PLD5: variants seen among roughly 807,000 people sequenced by gnomAD.
The protein encoded by PLD5 is phospholipase D family member 5.
In PLD5, 36 loss-of-function variants were observed where a neutral mutation model predicts 61.1. The observed-to-expected ratio is 0.59, with a 90% confidence interval of 0.45 to 0.78. The LOEUF is 0.78. Ranked by LOEUF, PLD5 falls within the 30% of genes least tolerant of loss-of-function variation. The probability of loss-of-function intolerance (pLI) is 0.00; values close to 1 mark genes in which losing one functional copy is unlikely to be tolerated. For missense variants in PLD5, 515 were observed against 644.4 expected, an observed-to-expected ratio of 0.80 and a Z score of 2.17; for synonymous variants, 243 against 242.8, an observed-to-expected ratio of 1.00 and a Z score of -0.01.
intron 1 of PLD5, among the ~76,000 whole-genome samples, chr1:242,501,293 G>T (rs550197385): frequency 6.6e-6 from 1 of 152,320 alleles, no homozygotes; most frequent in East Asian, 1.9e-4. Flanking sequence ...AGTGCTTTAA[G>T]AAATCCCAGA....
At position 242,289,821 on chromosome 1, in the gene PLD5, C is replaced by G. The variant is rs185812347; in HGVS notation, c.327-1291G>C. The stretch of plus-strand genomic sequence containing the variant: ...TTTCAACAAAGAATTCAGCACTTCT[C>G]AATAAAATACTTAATTGTTACTCTT... On this transcript the variant is annotated intron_variant, in intron 2 of 9. Transcript: ENST00000536534. 6.0e-4 allele frequency among the ~76,000 whole-genome samples: 92 copies of G among 152,166 alleles called. No individual in the cohort carries two copies. The East Asian group carries it at 0.016, about 27-fold the overall frequency.
chr1:242,328,129 CTAAA>C (rs1246622527), intron 2 of PLD5, among the ~76,000 whole-genome samples: 4 of 152,068 alleles, frequency 2.6e-5, no homozygotes, highest in South Asian at 2.1e-4. Context: ...AAAGATGTAA[CTAAA>C]TAGTCAATCA....
intron 1 of PLD5, among the ~76,000 whole-genome samples, chr1:242,356,144 T>C (rs970739517): frequency 5.3e-5 from 5 of 94,358 alleles, no homozygotes; most frequent in African/African-American, 1.6e-4. Flanking sequence ...ATTGATTTTA[T>C]GTCTATCCAA....
chr1:242,248,806 TC>T lies in PLD5; in HGVS notation c.607+16530del, dbSNP rs1448061017. ...CCTACAAAATTGTGTATCTCCACAC[TC>T]CCTCTGCTACAGTTTGAAGATGTTC... is the stretch of plus-strand genomic sequence containing the variant. On this transcript the variant is annotated intron_variant, in intron 4 of 9. Coordinates refer to ENST00000536534, the MANE Select transcript of PLD5 (RefSeq NM_001372062.1). Among the ~76,000 whole-genome samples, 4 of 152,302 alleles carry T rather than the reference TC, an allele frequency of 2.6e-5. No individual in the cohort carries two copies. In the East Asian group the frequency reaches 7.7e-4, roughly 29 times the overall value.
At chr1:242,091,127 C>A (rs1659791952) in intron 9 of PLD5, among the ~76,000 whole-genome samples, 1 of 152,094 alleles carries the variant, frequency 6.6e-6, no homozygotes, top group African/African-American at 2.4e-5. Context: ...CCCCCTTTTA[C>A]AAGGACACCG....
intron 5 of PLD5, among the ~76,000 whole-genome samples, chr1:242,144,855 GTGA>G (rs1664439241): frequency 1.3e-5 from 2 of 152,124 alleles, no homozygotes; most frequent in Non-Finnish European, 2.9e-5. Flanking sequence ...GGTGGCTTGA[GTGA>G]ACAATGGACA....
intron 1 of PLD5, among the ~76,000 whole-genome samples, chr1:242,352,300 T>C (rs1660522609): frequency 6.6e-6 from 1 of 152,222 alleles, no homozygotes. Context: ...AGTGAGAACA[T>C]GTGGTAATCT....
chr1:242,438,264 AT>A (rs1237412199), intron 1 of PLD5, among the ~76,000 whole-genome samples: 1,537 of 138,704 alleles, frequency 0.011, 16 homozygotes, highest in African/African-American at 0.032. Context: ...AGAAAAAAAA[AT>A]TTTTTTTTTT....
chr1:242,476,866 A>G (rs1667612325), intron 1 of PLD5, among the ~76,000 whole-genome samples: 1 of 152,226 alleles, frequency 6.6e-6, no homozygotes, highest in Non-Finnish European at 1.5e-5. Flanking sequence ...ACAGGGAGGC[A>G]TGAAGACTTG....
chr1:242,368,222 T>C (rs1661446801), intron 1 of PLD5, among the ~76,000 whole-genome samples: 1 of 152,224 alleles, frequency 6.6e-6, no homozygotes, highest in Non-Finnish European at 1.5e-5. Flanking sequence ...AAATATTTTC[T>C]TTGCCTTGCT....
chr1:242,167,750 G>A (rs1275375263), intron 5 of PLD5, among the ~76,000 whole-genome samples: 1 of 152,210 alleles, frequency 6.6e-6, no homozygotes, highest in Admixed American at 6.5e-5. Context: ...CACACATCCA[G>A]TAAATACATC....
intron 5 of PLD5, among the ~76,000 whole-genome samples, chr1:242,158,443 A>T (rs1285984164): frequency 6.6e-6 from 1 of 152,098 alleles, no homozygotes; most frequent in Admixed American, 6.5e-5. Context: ...CTGGTGGGGT[A>T]GGCACCAGAG....
At chr1:242,512,261 A>C (rs1178894315) in intron 1 of PLD5, among the ~76,000 whole-genome samples, 1 of 151,768 alleles carries the variant, frequency 6.6e-6, no homozygotes, top group Non-Finnish European at 1.5e-5. Flanking sequence ...AATACAAAAA[A>C]AAAAAAAAAT....
chr1:242,363,960 T>C (rs1661206504), intron 1 of PLD5, among the ~76,000 whole-genome samples: 1 of 152,200 alleles, frequency 6.6e-6, no homozygotes, highest in South Asian at 2.1e-4. Context: ...CTAATATATA[T>C]GTCCTTGCAG....
chr1:242,113,357 T>C (rs1337762135), intron 7 of PLD5, among the ~76,000 whole-genome samples: 1 of 152,090 alleles, frequency 6.6e-6, no homozygotes, highest in African/African-American at 2.4e-5. Context: ...CCTCCCAAAG[T>C]GCTGGGATTA....
At chr1:242,376,314 C>A (rs1242033244) in intron 1 of PLD5, among the ~76,000 whole-genome samples, 3 of 152,146 alleles carry the variant, frequency 2.0e-5, no homozygotes, top group Non-Finnish European at 4.4e-5. Context: ...GCTTTAAACA[C>A]CCTTCGGCGT....
At chr1:242,277,873 C>T (rs1674500426) in intron 3 of PLD5, among the ~76,000 whole-genome samples, 1 of 152,154 alleles carries the variant, frequency 6.6e-6, no homozygotes, top group South Asian at 2.1e-4. Context: ...CTCTCAGCTA[C>T]TTGGCAGGCT....
chr1:242,430,531 C>A (rs1665661466), intron 1 of PLD5, among the ~76,000 whole-genome samples: 1 of 152,202 alleles, frequency 6.6e-6, no homozygotes, highest in Non-Finnish European at 1.5e-5. Flanking sequence ...GGTGGACACA[C>A]ACATTCCATC....
intron 1 of PLD5, among the ~76,000 whole-genome samples, chr1:242,464,808 T>C (rs1667224909): frequency 6.6e-6 from 1 of 152,226 alleles, no homozygotes; most frequent in Non-Finnish European, 1.5e-5. Flanking sequence ...TACAGTGAAA[T>C]AGCACTCCAC....
Sources: gnomAD v4.1 joint callset for allele counts (sites outside exome capture counted in the v4.1 genomes callset) on GRCh38, gnomAD v4.1.1 for gene constraint, MANE v1.5 for transcripts, NCBI Gene and HGNC (gene_info 2026-07-23, HGNC 2026-07-21) for gene names.